Variants in NOS1AP observed in about 807,000 individuals in gnomAD.
NOS1AP encodes the protein carboxyl-terminal PDZ ligand of neuronal nitric oxide synthase protein.
A neutral mutation model predicts 56.2 loss-of-function variants in NOS1AP; 21 were observed. That is an observed-to-expected ratio of 0.37 (90% confidence interval 0.26 to 0.54). NOS1AP has a LOEUF of 0.54. Ranked by LOEUF, NOS1AP falls within the 20% of genes least tolerant of loss-of-function variation. NOS1AP has a pLI of 0.84. For synonymous variants in NOS1AP, 270 were observed against 274.6 expected, an observed-to-expected ratio of 0.98 and a Z score of 0.17; for missense variants, 522 against 657.8, an observed-to-expected ratio of 0.79 and a Z score of 2.26.
chr1:162,149,049 G>A (rs573306861), intron 1 of NOS1AP, among the ~76,000 whole-genome samples: 87 of 152,164 alleles, frequency 5.7e-4, no homozygotes, highest in Non-Finnish European at 1.1e-3. Flanking sequence ...GGAGAAGGAG[G>A]GGAAAAAGGA....
chr1:162,219,094 T>C (rs942593166), intron 2 of NOS1AP, among the ~76,000 whole-genome samples: 4 of 152,160 alleles, frequency 2.6e-5, no homozygotes, highest in African/African-American at 9.7e-5. Context: ...CCATCTGGGT[T>C]AGAATCTTCA....
At chr1:162,147,796 T>C (rs142531388) in intron 1 of NOS1AP, among the ~76,000 whole-genome samples, 14 of 152,336 alleles carry the variant, frequency 9.2e-5, no homozygotes, top group Non-Finnish European at 2.1e-4. Flanking sequence ...TGTATAGTTT[T>C]TTTCTTTCTA....
At chr1:162,123,336 C>A (rs1303011118) in intron 1 of NOS1AP, among the ~76,000 whole-genome samples, 1 of 152,096 alleles carries the variant, frequency 6.6e-6, no homozygotes, top group Admixed American at 6.5e-5. Flanking sequence ...CCACGCCTGG[C>A]TAATTTTTGT....
At chr1:162,357,329 G>A in intron 8 of NOS1AP, 193 bp downstream of exon 8, 1 of 1,107,022 alleles carries the variant, frequency 9.0e-7, no homozygotes, top group South Asian at 1.5e-5. Flanking sequence ...GAAATGGAGA[G>A]GCACATTTTG....
At chr1:162,291,896 C>T (rs1655293901) in intron 3 of NOS1AP, among the ~76,000 whole-genome samples, 1 of 152,144 alleles carries the variant, frequency 6.6e-6, no homozygotes, top group African/African-American at 2.4e-5. Context: ...TATTATAATA[C>T]TGGAATCACG....
At chr1:162,289,971 G>A (rs1469759554) in intron 3 of NOS1AP, among the ~76,000 whole-genome samples, 1 of 152,136 alleles carries the variant, frequency 6.6e-6, no homozygotes, top group African/African-American at 2.4e-5. Context: ...TCCCCATTGT[G>A]CATGTGAGAA....
At chr1:162,133,854 A>G (rs900569113) in intron 1 of NOS1AP, among the ~76,000 whole-genome samples, 6 of 152,142 alleles carry the variant, frequency 3.9e-5, no homozygotes, top group Admixed American at 3.3e-4. Flanking sequence ...GATTGTTGTT[A>G]TTATTTTTTG....
intron 2 of NOS1AP, among the ~76,000 whole-genome samples, chr1:162,181,180 C>T (rs565705693): frequency 1.3e-5 from 2 of 152,316 alleles, no homozygotes; most frequent in South Asian, 2.1e-4. Flanking sequence ...TAGACCCACT[C>T]ATAATTGGTG....
chr1:162,158,565 A>G (rs770811729), intron 2 of NOS1AP, among the ~76,000 whole-genome samples: 4 of 152,198 alleles, frequency 2.6e-5, no homozygotes, highest in South Asian at 2.1e-4. Flanking sequence ...AAGAACCTCC[A>G]TACTGTTTTC....
chr1:162,353,521 C>T (rs1657592653), intron 6 of NOS1AP, among the ~76,000 whole-genome samples: 1 of 152,166 alleles, frequency 6.6e-6, no homozygotes, highest in Non-Finnish European at 1.5e-5. Flanking sequence ...AGCCTGTTCT[C>T]CTGTTTTGCT....
intron 2 of NOS1AP, among the ~76,000 whole-genome samples, chr1:162,251,810 C>T (rs768950443): frequency 6.6e-6 from 1 of 151,188 alleles, no homozygotes; most frequent in Non-Finnish European, 1.5e-5. Context: ...AATTCAACCT[C>T]CCACGTAGCT....
intron 2 of NOS1AP, among the ~76,000 whole-genome samples, chr1:162,210,069 C>A (rs1344402491): frequency 6.6e-6 from 1 of 152,000 alleles, no homozygotes; most frequent in Non-Finnish European, 1.5e-5. Context: ...TATTTTGATC[C>A]TTGTGAAAGG....
chr1:162,154,643 T>C (rs1383336535), intron 2 of NOS1AP, among the ~76,000 whole-genome samples, 167 bp downstream of exon 2: 1 of 152,178 alleles, frequency 6.6e-6, no homozygotes, highest in Non-Finnish European at 1.5e-5. Context: ...ACATTTGATC[T>C]TGATGAAAGG....
chr1:162,343,932 A>T lies in NOS1AP; in HGVS notation c.551A>T (p.Glu184Val). 5 of 1,614,168 alleles carry T rather than the reference A, an allele frequency of 3.1e-6. No individual in the cohort carries two copies. The highest frequency in any genetic ancestry group is 4.2e-6 in the Non-Finnish European group (5 of 1,180,030). ...ACGCAGCAGAATGCAGATGGCCAGG[A>T]AGATGGAGAGAGCGAGAGGAACAGC... Reference protein sequence around the residue: ...QHTQQNADGQEDGESERNSNS... With the variant: ...QHTQQNADGQVDGESERNSNS... Residue 184 changes from glutamate (E) to valine (V), a missense_variant, in exon 6 of 10, where the codon GAA (glutamate) becomes GTA (valine). Physicochemically the swap from Glu to Val is moderately radical, Grantham distance 121 (BLOSUM62 -2). Coordinates refer to ENST00000361897, the MANE Select transcript of NOS1AP (RefSeq NM_014697.3).
At chr1:162,268,789 G>A (rs944165098) in intron 2 of NOS1AP, among the ~76,000 whole-genome samples, 6 of 151,838 alleles carry the variant, frequency 4.0e-5, no homozygotes, top group Non-Finnish European at 8.8e-5. Flanking sequence ...TCAGTAGAAG[G>A]GTTGAAAGGT....
chr1:162,078,225 C>T (rs1056595754), intron 1 of NOS1AP, among the ~76,000 whole-genome samples: 3 of 152,156 alleles, frequency 2.0e-5, no homozygotes, highest in East Asian at 1.9e-4. Flanking sequence ...CATCTTTATG[C>T]GCAGCTTCCT....
intron 2 of NOS1AP, among the ~76,000 whole-genome samples, chr1:162,194,726 C>T (rs887644844): frequency 6.6e-6 from 1 of 152,188 alleles, no homozygotes; most frequent in Non-Finnish European, 1.5e-5. Context: ...GTCTCGCCAA[C>T]AGCCCTTGCT....
Position 162,359,719 on chromosome 1 carries a change from C to CGGG in NOS1AP, c.939+2590_939+2592dup, listed in dbSNP as rs5778269. Among the ~76,000 whole-genome samples, 318 of 149,030 alleles carry CGGG rather than the reference C, an allele frequency of 2.1e-3. 1 individual carries two copies. The highest frequency in any genetic ancestry group is 7.4e-3 in the African/African-American group (291 of 39,438). On this transcript the variant is annotated intron_variant, in intron 8 of 9. Transcript: ENST00000361897. ...GTATAGCAAGCTTGGTTTCTCTACG[C>CGGG]GGGGGGGGGCTGATTTCAGTTTCCA...
At chr1:162,107,343 T>C (rs1358618340) in intron 1 of NOS1AP, among the ~76,000 whole-genome samples, 1 of 152,152 alleles carries the variant, frequency 6.6e-6, no homozygotes, top group Non-Finnish European at 1.5e-5. Flanking sequence ...TTTAACATAA[T>C]TTAAAAAATA....
Sources: gnomAD v4.1 joint callset for allele counts (sites outside exome capture counted in the v4.1 genomes callset) on GRCh38, gnomAD v4.1.1 for gene constraint, MANE v1.5 for transcripts, NCBI Gene and HGNC (gene_info 2026-07-23, HGNC 2026-07-21) for gene names.